Variants in GINM1 observed in about 807,000 individuals in gnomAD.
GINM1 encodes glycoprotein integral membrane protein 1.
Under a neutral mutation model 37.8 loss-of-function variants are expected in GINM1, and 29 were observed. The observed-to-expected ratio is 0.77, with a 90% CI of 0.57 to 1.05. GINM1 has a LOEUF of 1.05. Ranked by LOEUF, GINM1 falls within the 50% of genes least tolerant of loss-of-function variation. GINM1 has a pLI of 0.00. For missense variants in GINM1, 377 were observed against 397.9 expected (o/e 0.95, Z 0.45); for synonymous variants, 143 against 146.2 (o/e 0.98, Z 0.16).
At chr6:149,574,047 A>ATTT (rs35023561) in intron 3 of GINM1, among the ~76,000 whole-genome samples, 1 of 129,338 alleles carries the variant, frequency 7.7e-6, no homozygotes, top group Non-Finnish European at 1.6e-5. Flanking sequence ...TATACATAGG[A>ATTT]TTTTTTTTTT....
Position 149,582,514 on chromosome 6 carries a change from T to C in GINM1, c.792T>C (p.Phe264=). Residue 264 remains phenylalanine, a synonymous_variant, in exon 7 of 8, where the codon TTT becomes TTC. Transcript: ENST00000367419. ...GGAGCAACGTTTTCCCAGTATTCTTTCAGTTTTTGAACATCATGGTGGTTG... is the reference window on the plus strand; with the variant it reads ...GGAGCAACGTTTTCCCAGTATTCTTCCAGTTTTTGAACATCATGGTGGTTG... The part of the protein sequence containing the change: ...RFWSNVFPVF[F]QFLNIMVVGI... 6.2e-7 allele frequency: 1 copy of C among 1,612,872 alleles called. No homozygotes were observed. The highest frequency in any genetic ancestry group is 8.5e-7 in the Non-Finnish European group (1 of 1,179,704).
intron 4 of GINM1, among the ~76,000 whole-genome samples, chr6:149,579,469 T>TC (rs1321289922): frequency 6.6e-6 from 1 of 152,224 alleles, no homozygotes; most frequent in African/African-American, 2.4e-5. Context: ...GGTGGACGAA[T>TC]CACCTGAGGT....
chr6:149,575,562 T>C (rs1777902054), intron 3 of GINM1, among the ~76,000 whole-genome samples: 1 of 152,196 alleles, frequency 6.6e-6, no homozygotes, highest in Admixed American at 6.5e-5. Flanking sequence ...ACATAGGATA[T>C]TGTACTCACC....
At chr6:149,569,957 A>C in intron 1 of GINM1, among the ~76,000 whole-genome samples, 1 of 151,656 alleles carries the variant, frequency 6.6e-6, no homozygotes. Flanking sequence ...AAGAACAATA[A>C]ATATGACCTG....
rs917250381 is a variant in GINM1, at chr6:149,566,570, C to T, written c.120+36C>T. 2.1e-6 allele frequency: 3 copies of T among 1,457,046 alleles called. No individual in the cohort carries two copies. Among genetic ancestry groups the T allele is most frequent in the Non-Finnish European group, 2.7e-6 (3 of 1,105,990 alleles). 90.3% of individuals were successfully genotyped at this position (1,457,046 alleles called of 1,614,324 possible). A position where few individuals can be genotyped will look rare whatever the true frequency, so the allele number is the denominator to read the frequency against. ...GCGGGCCTGGCTGGCCGCTTTACGA[C>T]TCCGACTCTCCGGGAGGCCCGGGCT... On this transcript the variant is annotated intron_variant, in intron 1 of 7. Transcript: ENST00000367419. The surrounding 1 kb of genome is among the most constrained non-coding windows in gnomAD (Gnocchi z 4.4).
intron 4 of GINM1, among the ~76,000 whole-genome samples, 196 bp from the exon 5 acceptor site, chr6:149,579,638 G>T (rs1777967688): frequency 6.6e-6 from 1 of 151,416 alleles, no homozygotes; most frequent in African/African-American, 2.4e-5. Context: ...GTTGCGGCAA[G>T]CTGAGATCGC....
chr6:149,580,783 C>G (rs1255746313), intron 6 of GINM1, 60 bp downstream of exon 6: 1 of 1,483,902 alleles, frequency 6.7e-7, no homozygotes, highest in Non-Finnish European at 9.3e-7. Context: ...AAAATCGACC[C>G]TAGCATTTAA....
chr6:149,574,227 T>G (rs1305298248), intron 3 of GINM1, among the ~76,000 whole-genome samples: 2 of 151,974 alleles, frequency 1.3e-5, no homozygotes, highest in Non-Finnish European at 2.9e-5. Flanking sequence ...ATTTTTGTAT[T>G]TTTAGTAGAG....
intron 3 of GINM1, among the ~76,000 whole-genome samples, chr6:149,574,292 T>C (rs975059432): frequency 1.3e-5 from 2 of 152,196 alleles, no homozygotes; most frequent in African/African-American, 4.8e-5. Context: ...CCTCAGGTGA[T>C]CCGCCTGCCT....
intron 7 of GINM1, among the ~76,000 whole-genome samples, chr6:149,585,532 T>A (rs879881800): frequency 6.6e-6 from 1 of 152,168 alleles, no homozygotes; most frequent in Admixed American, 6.5e-5. Flanking sequence ...GCCAGTAAAT[T>A]TTTTTAATGC....
intron 7 of GINM1, among the ~76,000 whole-genome samples, chr6:149,586,122 G>T (rs1051802923): frequency 2.0e-5 from 3 of 152,104 alleles, no homozygotes; most frequent in African/African-American, 7.2e-5. Context: ...AAGAAAAGAG[G>T]TTATTTATTT....
chr6:149,577,957 C>T (rs1777939736), intron 3 of GINM1: 1 of 152,156 alleles, frequency 6.6e-6, no homozygotes, highest in Admixed American at 6.5e-5. Flanking sequence ...AATAGCTAGT[C>T]CTACCCCATT....
chr6:149,566,619 C>A lies in GINM1; in HGVS notation c.120+85C>A. On this transcript the variant is annotated intron_variant, in intron 1 of 7. Transcript: ENST00000367419. This position sits in a 1 kb window ranked among gnomAD's most constrained non-coding sequence, Gnocchi z 4.4. ...CTGTCCACAGTGACGCTTCCCACAT[C>A]CCACCGGCGGGCAGGGGCGGGGGTC... The A allele has an allele frequency of 7.3e-7, 1 of 1,366,732 alleles. No individual in the cohort carries two copies. Among genetic ancestry groups the A allele is most frequent in the Non-Finnish European group, 9.5e-7 (1 of 1,057,808 alleles). 84.7% of individuals were successfully genotyped at this position (1,366,732 alleles called of 1,614,324 possible).
chr6:149,582,101 G>A (rs2115061063), intron 6 of GINM1: 1 of 479,514 alleles, frequency 2.1e-6, no homozygotes, highest in African/African-American at 2.0e-5. Flanking sequence ...GTTTATAATG[G>A]ACTAGCCTAA....
intron 3 of GINM1, among the ~76,000 whole-genome samples, chr6:149,572,906 T>C (rs528136545): frequency 6.6e-6 from 1 of 152,328 alleles, no homozygotes; most frequent in Non-Finnish European, 1.5e-5. Context: ...CCTCAAACCA[T>C]CTACCCTCCT....
At chr6:149,567,603 T>A (rs978722651) in intron 1 of GINM1, among the ~76,000 whole-genome samples, 2 of 152,188 alleles carry the variant, frequency 1.3e-5, no homozygotes, top group Non-Finnish European at 2.9e-5. Flanking sequence ...ATCGTGCCAC[T>A]GCATTCCAGC....
At chr6:149,568,864 C>G (rs974352512) in intron 1 of GINM1, among the ~76,000 whole-genome samples, 1 of 152,010 alleles carries the variant, frequency 6.6e-6, no homozygotes, top group Non-Finnish European at 1.5e-5. Flanking sequence ...ATATCTCGCT[C>G]TGTCTCACAC....
At chr6:149,568,428 G>A (rs768478939) in intron 1 of GINM1, among the ~76,000 whole-genome samples, 1 of 152,258 alleles carries the variant, frequency 6.6e-6, no homozygotes, top group Non-Finnish European at 1.5e-5. Flanking sequence ...TGTAAGTGCT[G>A]TCCAGTAGAA....
intron 3 of GINM1, 94 bp from the exon 4 acceptor site, chr6:149,578,728 C>G (rs1485390947): frequency 1.2e-6 from 1 of 838,304 alleles, no homozygotes; most frequent in African/African-American, 1.7e-5. Context: ...TTTCAACTGT[C>G]TTGTTCCATG....
Sources: allele counts gnomAD v4.1 joint callset (sites outside exome capture counted in the v4.1 genomes callset), GRCh38; gene constraint gnomAD v4.1.1; non-coding constraint Gnocchi (gnomAD v3.1); transcripts MANE v1.5; gene names NCBI Gene and HGNC (gene_info 2026-07-23, HGNC 2026-07-21).